The following METTL15 variants were observed in gnomAD, a reference collection of about 807,000 sequenced individuals.
METTL15 encodes the protein 12S rRNA N(4)-cytidine methyltransferase METTL15.
METTL15 carries 34 observed loss-of-function variants against 38.3 expected under a neutral mutation model. That is an observed-to-expected ratio of 0.89 (90% CI 0.68 to 1.18). The LOEUF is 1.18. Ranked by LOEUF, METTL15 falls within the 50% of genes most tolerant of loss-of-function variation. The pLI, the probability that METTL15 is intolerant of heterozygous loss-of-function variation, is 0.00. For synonymous variants in METTL15, 162 were observed against 170.9 expected, an observed-to-expected ratio of 0.95 and a Z score of 0.41; for missense variants, 438 against 498.4, an observed-to-expected ratio of 0.88 and a Z score of 1.15.
chr11:28,434,198 C>T (rs1410214265), intron 6 of METTL15, among the ~76,000 whole-genome samples: 1 of 152,176 alleles, frequency 6.6e-6, no homozygotes, highest in Non-Finnish European at 1.5e-5. Flanking sequence ...GGGCTTCCCC[C>T]TTCACTTGGC....
In METTL15 at chr11:28,204,435, CTTTTTT is replaced by C. The variant is rs59729387; in HGVS notation, c.271-6606_271-6601del. 6.8e-4 allele frequency among the ~76,000 whole-genome samples: 54 copies of C among 79,342 alleles called. No homozygotes were observed. The East Asian group carries it at 7.9e-3, about 12-fold the overall frequency. 52.1% of individuals were successfully genotyped at this position (79,342 alleles called of 152,430 possible). ...ATTTTCTCTCTGCACCTGAGTTTTCCTTTTTTTTTTTTTTTTTTTTTTTTTTGTAAA... is the reference window on the plus strand; with the variant it reads ...ATTTTCTCTCTGCACCTGAGTTTTCCTTTTTTTTTTTTTTTTTTTTGTAAA... On this transcript the variant is annotated intron_variant, in intron 3 of 6. Transcript: ENST00000407364.
At chr11:28,152,585 A>T (rs1157645708) in intron 3 of METTL15, among the ~76,000 whole-genome samples, 1 of 151,976 alleles carries the variant, frequency 6.6e-6, no homozygotes, top group Non-Finnish European at 1.5e-5. Context: ...TAATTTTGAA[A>T]AAGTAAAATA....
intron 4 of METTL15, among the ~76,000 whole-genome samples, chr11:28,253,458 A>G (rs1854831249): frequency 6.6e-6 from 1 of 152,210 alleles, no homozygotes; most frequent in Admixed American, 6.5e-5. Context: ...GTGAAAATCA[A>G]TCTAATTGTA....
chr11:28,416,069 GA>G (rs1428594605), intron 5 of METTL15, among the ~76,000 whole-genome samples: 1 of 152,166 alleles, frequency 6.6e-6, no homozygotes, highest in African/African-American at 2.4e-5. Context: ...AAATTACCTG[GA>G]AAGTCCAGAT....
chr11:28,324,170 T>C (rs1035269191), intron 6 of METTL15, among the ~76,000 whole-genome samples: 2 of 152,222 alleles, frequency 1.3e-5, no homozygotes, highest in Non-Finnish European at 2.9e-5. Flanking sequence ...TTTTGAAGAA[T>C]TGAGAAAATT....
intron 3 of METTL15, among the ~76,000 whole-genome samples, chr11:28,122,369 GTGTATA>G (rs1483463613): frequency 8.4e-5 from 5 of 59,324 alleles, no homozygotes; most frequent in Admixed American, 4.9e-4. Flanking sequence ...GTGTGTGTGT[GTGTATA>G]TATATATATA....
chr11:28,261,530 A>G (rs1450835827), intron 4 of METTL15: 1 of 152,522 alleles, frequency 6.6e-6, no homozygotes, highest in African/African-American at 2.4e-5. Context: ...TATTTTGTAT[A>G]TTGTAGTTCT....
At chr11:28,300,254 A>G (rs576907497) in intron 6 of METTL15, among the ~76,000 whole-genome samples, 59 of 152,252 alleles carry the variant, frequency 3.9e-4, no homozygotes, top group Non-Finnish European at 5.1e-4. Flanking sequence ...ATAAATTCAT[A>G]CTAAATATGT....
At chr11:28,419,490 G>A (rs570843719) in intron 5 of METTL15, among the ~76,000 whole-genome samples, 47 of 152,200 alleles carry the variant, frequency 3.1e-4, no homozygotes, top group African/African-American at 1.1e-3. Flanking sequence ...CAAAAACATA[G>A]ATCACAACAC....
At chr11:28,408,766 A>G (rs931812990) in intron 5 of METTL15, among the ~76,000 whole-genome samples, 1 of 152,194 alleles carries the variant, frequency 6.6e-6, no homozygotes, top group Non-Finnish European at 1.5e-5. Context: ...TTTCAAACAC[A>G]TGCACACACA....
intron 3 of METTL15, among the ~76,000 whole-genome samples, chr11:28,145,991 T>C (rs1321340492): frequency 6.6e-6 from 1 of 152,098 alleles, no homozygotes; most frequent in Non-Finnish European, 1.5e-5. Flanking sequence ...TATTTAAATA[T>C]GGCTTGGTGA....
chr11:28,494,414 C>G lies in METTL15; in HGVS notation c.*425-32064C>G, dbSNP rs1851520023. On this transcript the variant is annotated intron_variant and NMD_transcript_variant, in intron 6 of 7. Transcript: ENST00000532947. ...TTGGTTCTACAATTCTATCCCCATTCAGTGTAGTATGGTAAGTAGGAGTGT... is the reference window on the plus strand; with the variant it reads ...TTGGTTCTACAATTCTATCCCCATTGAGTGTAGTATGGTAAGTAGGAGTGT... Among the ~76,000 whole-genome samples, 3 of 152,304 alleles carry G rather than the reference C, an allele frequency of 2.0e-5. No homozygotes were observed. The South Asian group carries it at 6.2e-4, about 32-fold the overall frequency.
chr11:28,516,330 G>T (rs959496880), intron 6 of METTL15, among the ~76,000 whole-genome samples: 45 of 152,260 alleles, frequency 3.0e-4, no homozygotes, highest in Middle Eastern at 3.4e-3. Context: ...GGCAGAGACT[G>T]TCAGAATTGG....
intron 6 of METTL15, among the ~76,000 whole-genome samples, chr11:28,430,154 C>T (rs1347672445): frequency 1.3e-5 from 2 of 151,316 alleles, no homozygotes; most frequent in African/African-American, 2.4e-5. Context: ...GGAGCCCCTC[C>T]GCCCGGCAGC....
At chr11:28,313,794 G>C (rs1857387200) in intron 6 of METTL15, among the ~76,000 whole-genome samples, 1 of 151,664 alleles carries the variant, frequency 6.6e-6, no homozygotes, top group South Asian at 2.1e-4. Flanking sequence ...CTCCAAGTGG[G>C]AGCTATTATT....
intron 5 of METTL15, among the ~76,000 whole-genome samples, chr11:28,371,500 G>A (rs1247844731): frequency 6.6e-6 from 1 of 151,832 alleles, no homozygotes; most frequent in Admixed American, 6.6e-5. Context: ...GTATTGCTTT[G>A]GCTATTTGTG....
intron 5 of METTL15, among the ~76,000 whole-genome samples, chr11:28,401,489 T>C (rs987600687): frequency 1.3e-5 from 2 of 152,064 alleles, no homozygotes; most frequent in Admixed American, 6.6e-5. Context: ...TTTTTATCTC[T>C]GTGCTTTTAG....
chr11:28,147,204 A>G (rs1016730882), intron 3 of METTL15, among the ~76,000 whole-genome samples: 2 of 151,884 alleles, frequency 1.3e-5, no homozygotes, highest in Non-Finnish European at 2.9e-5. Flanking sequence ...TTATTTACCT[A>G]TAATCAAATG....
chr11:28,225,541 GT>G (rs768660542), intron 4 of METTL15, among the ~76,000 whole-genome samples: 25 of 145,466 alleles, frequency 1.7e-4, no homozygotes, highest in South Asian at 1.1e-3. Flanking sequence ...GGTCAACCCA[GT>G]TTTTTTTTTT....
Sources: gnomAD v4.1 joint callset for allele counts (sites outside exome capture counted in the v4.1 genomes callset) on GRCh38, gnomAD v4.1.1 for gene constraint, MANE v1.5 for transcripts, NCBI Gene and HGNC (gene_info 2026-07-23, HGNC 2026-07-21) for gene names.